The following TTLL11 variants were observed in gnomAD, a reference collection of about 807,000 sequenced individuals.
TTLL11 encodes tubulin tyrosine ligase like 11.
TTLL11 carries 42 observed loss-of-function variants against 51.7 expected under a neutral mutation model. The observed-to-expected ratio is 0.81, with a 90% CI of 0.64 to 1.05. The LOEUF is 1.05. Among genes scored for constraint, TTLL11 ranks in the 50% least tolerant of loss-of-function variants. The pLI is 0.00. For synonymous variants in TTLL11, 381 were observed against 383.5 expected (o/e 0.99, Z 0.08); for missense variants, 799 against 940.4 (o/e 0.85, Z 1.97).
At chr9:121,893,675 C>T (rs1458245931) in intron 6 of TTLL11, among the ~76,000 whole-genome samples, 1 of 152,150 alleles carries the variant, frequency 6.6e-6, no homozygotes, top group Admixed American at 6.5e-5. Context: ...TCCCATTCCT[C>T]TGCCTGTATC....
intron 6 of TTLL11, among the ~76,000 whole-genome samples, chr9:121,942,119 T>C (rs931157434): frequency 2.6e-5 from 4 of 152,202 alleles, no homozygotes; most frequent in Non-Finnish European, 4.4e-5. Flanking sequence ...GCCTCTGCCA[T>C]TCAGCCCCCA....
chr9:121,907,995 A>T (rs1839999436), intron 6 of TTLL11, among the ~76,000 whole-genome samples: 1 of 152,186 alleles, frequency 6.6e-6, no homozygotes, highest in Admixed American at 6.5e-5. Flanking sequence ...GGGGCTCAGT[A>T]TTCTCATCTG....
intron 6 of TTLL11, among the ~76,000 whole-genome samples, chr9:121,888,122 A>G (rs1251882798): frequency 6.6e-6 from 1 of 152,126 alleles, no homozygotes; most frequent in Non-Finnish European, 1.5e-5. Flanking sequence ...TGCTGCTGGG[A>G]TCCCAGGATG....
intron 6 of TTLL11, among the ~76,000 whole-genome samples, chr9:121,889,053 C>T (rs1040451975): frequency 3.3e-5 from 5 of 152,230 alleles, no homozygotes. Flanking sequence ...GTTGTTCTGA[C>T]ATTAGAATAG....
At chr9:122,025,406 G>C (rs1588215169) in intron 3 of TTLL11, among the ~76,000 whole-genome samples, 1 of 152,252 alleles carries the variant, frequency 6.6e-6, no homozygotes, top group Non-Finnish European at 1.5e-5. Context: ...GCCGAGGCAG[G>C]TGGATCGCTT....
At chr9:121,947,794 C>G (rs1250278019) in intron 6 of TTLL11, among the ~76,000 whole-genome samples, 1 of 152,132 alleles carries the variant, frequency 6.6e-6, no homozygotes, top group Non-Finnish European at 1.5e-5. Context: ...TTACTTACCC[C>G]CCAGGATCTC....
At chr9:121,998,762 C>T (rs1004357745) in intron 3 of TTLL11, among the ~76,000 whole-genome samples, 1 of 152,130 alleles carries the variant, frequency 6.6e-6, no homozygotes, top group Non-Finnish European at 1.5e-5. Context: ...AATATGTATA[C>T]ATGAGATCTA....
At chr9:122,068,299 C>G (rs1042829339) in intron 1 of TTLL11, among the ~76,000 whole-genome samples, 2 of 152,296 alleles carry the variant, frequency 1.3e-5, no homozygotes, top group South Asian at 4.1e-4. Context: ...ATGTATACCT[C>G]TGGAAACAGA....
chr9:121,956,123 C>T (rs575693333), intron 6 of TTLL11, among the ~76,000 whole-genome samples: 81 of 152,326 alleles, frequency 5.3e-4, no homozygotes, highest in African/African-American at 1.9e-3. Context: ...ACAAATGAGA[C>T]AGAAATGTTG....
intron 6 of TTLL11, among the ~76,000 whole-genome samples, chr9:121,928,077 T>G (rs1840811352): frequency 6.6e-6 from 1 of 152,118 alleles, no homozygotes; most frequent in Admixed American, 6.5e-5. Flanking sequence ...TCATAAAGTA[T>G]CTCAGTAGAT....
intron 1 of TTLL11, among the ~76,000 whole-genome samples, chr9:122,064,004 CTGGATTTCATAA>C (rs146049997): frequency 0.013 from 2,024 of 152,276 alleles, 28 homozygotes; most frequent in Non-Finnish European, 0.022. Flanking sequence ...TAATATCAGC[CTGGATTTCATAA>C]TGGATTAGAG....
At chr9:122,043,842 A>AT (rs929083647) in intron 1 of TTLL11, among the ~76,000 whole-genome samples, 1 of 151,522 alleles carries the variant, frequency 6.6e-6, no homozygotes, top group Non-Finnish European at 1.5e-5. Flanking sequence ...ATATATATAT[A>AT]TTTTTTTCTT....
intron 6 of TTLL11, among the ~76,000 whole-genome samples, chr9:121,886,196 A>T (rs1839006249): frequency 6.6e-6 from 1 of 152,170 alleles, no homozygotes; most frequent in South Asian, 2.1e-4. Flanking sequence ...CCCCTTCTCC[A>T]TATGTGACTT....
At chr9:121,881,092 A>C (rs1024583980) in intron 6 of TTLL11, among the ~76,000 whole-genome samples, 1 of 152,234 alleles carries the variant, frequency 6.6e-6, no homozygotes, top group Non-Finnish European at 1.5e-5. Context: ...TGACAACTGT[A>C]ATCAGTGGTT....
At chr9:122,003,280 T>G (rs1843533951) in intron 3 of TTLL11, among the ~76,000 whole-genome samples, 2 of 152,164 alleles carry the variant, frequency 1.3e-5, no homozygotes, top group Admixed American at 6.6e-5. Context: ...AAAATTATAA[T>G]GTACTTGGGG....
chr9:121,943,730 C>T (rs1373472094), intron 6 of TTLL11, among the ~76,000 whole-genome samples: 1 of 152,226 alleles, frequency 6.6e-6, no homozygotes, highest in Non-Finnish European at 1.5e-5. Context: ...TCCCCATCAT[C>T]ATACTTACTG....
intron 7 of TTLL11, among the ~76,000 whole-genome samples, chr9:121,863,458 G>C (rs768147814): frequency 2.2e-4 from 33 of 152,146 alleles, no homozygotes; most frequent in Admixed American, 1.3e-4. Context: ...ACTGACCACT[G>C]GTATATAGTC....
chr9:122,093,247 C>T lies in TTLL11; in HGVS notation c.-99G>A, dbSNP rs764546224. 11 of 1,508,032 alleles carry T rather than the reference C, an allele frequency of 7.3e-6. No individual in the cohort carries two copies. The East Asian group carries it at 2.6e-4, about 36-fold the overall frequency. The allele number at this position is 1,508,032 out of a possible 1,614,324, so 93.4% of individuals were successfully genotyped here. A position where few individuals can be genotyped will look rare whatever the true frequency, so the allele number is the denominator to read the frequency against. ...AAACTGCCGCCGCTGCAGCCGCTGC[C>T]ACGCGTTCCCCGCCCGAGCCCGTTG... On this transcript the variant is annotated 5_prime_UTR_variant, in exon 1 of 9. Transcript: ENST00000321582.
At chr9:121,845,000 C>T (rs1837475989) in intron 8 of TTLL11, among the ~76,000 whole-genome samples, 1 of 151,978 alleles carries the variant, frequency 6.6e-6, no homozygotes. Context: ...GACACCAAAA[C>T]CACAGATCTA....
Sources: allele counts gnomAD v4.1 joint callset (sites outside exome capture counted in the v4.1 genomes callset), GRCh38; gene constraint gnomAD v4.1.1; transcripts MANE v1.5; gene names NCBI Gene and HGNC (gene_info 2026-07-23, HGNC 2026-07-21).